KLHL29: variants seen among roughly 807,000 people sequenced by gnomAD.
The protein encoded by KLHL29 is kelch like family member 29.
KLHL29 carries 21 observed loss-of-function variants against 80.4 expected under a neutral mutation model. The ratio of observed to expected loss-of-function variants is 0.26; its 90% CI spans 0.19 to 0.38. The LOEUF is 0.38. KLHL29 is among the 10% of genes least tolerant of loss of function. The probability of loss-of-function intolerance (pLI) is 1.00; values close to 1 mark genes in which losing one functional copy is unlikely to be tolerated. For synonymous variants in KLHL29, 511 were observed against 526.8 expected (o/e 0.97, Z 0.41); for missense variants, 867 against 1,223.9 (o/e 0.71, Z 4.35).
At chr2:23,389,446 T>G (rs1288784794) in intron 1 of KLHL29, among the ~76,000 whole-genome samples, 1 of 152,196 alleles carries the variant, frequency 6.6e-6, no homozygotes, top group Non-Finnish European at 1.5e-5. Flanking sequence ...ACCAACTTTG[T>G]GATTCTGTAA....
At chr2:23,574,779 A>G (rs1667801696) in intron 3 of KLHL29, among the ~76,000 whole-genome samples, 1 of 152,226 alleles carries the variant, frequency 6.6e-6, no homozygotes, top group Admixed American at 6.5e-5. Flanking sequence ...ATGGGAAGAG[A>G]GAAGCAATGT....
intron 1 of KLHL29, among the ~76,000 whole-genome samples, chr2:23,440,225 G>A (rs1663474222): frequency 6.6e-6 from 1 of 152,102 alleles, no homozygotes; most frequent in African/African-American, 2.4e-5. Flanking sequence ...CAAGCAATGG[G>A]GAAAGGATTC....
chr2:23,419,475 G>T (rs527518979), intron 1 of KLHL29, among the ~76,000 whole-genome samples: 2 of 152,154 alleles, frequency 1.3e-5, no homozygotes. Context: ...CTGCACTCAC[G>T]TACACATGTG....
intron 3 of KLHL29, among the ~76,000 whole-genome samples, chr2:23,569,253 G>A (rs1412885592): frequency 6.6e-6 from 1 of 152,234 alleles, no homozygotes; most frequent in Non-Finnish European, 1.5e-5. Context: ...CTGATGGGGA[G>A]ACTTCCTAAT....
intron 1 of KLHL29, among the ~76,000 whole-genome samples, chr2:23,468,669 C>A (rs1664416393): frequency 6.6e-6 from 1 of 152,172 alleles, no homozygotes; most frequent in African/African-American, 2.4e-5. Flanking sequence ...CCCCCCGACA[C>A]CTATAGCTTT....
intron 2 of KLHL29, among the ~76,000 whole-genome samples, chr2:23,493,437 C>T (rs1225664032): frequency 3.3e-5 from 5 of 152,164 alleles, no homozygotes; most frequent in African/African-American, 9.7e-5. Context: ...TCAGGGAGCT[C>T]ATGAATAGAA....
intron 1 of KLHL29, among the ~76,000 whole-genome samples, chr2:23,461,252 G>A (rs557899978): frequency 1.6e-4 from 24 of 152,288 alleles, no homozygotes; most frequent in African/African-American, 5.1e-4. Context: ...TTGACATTAC[G>A]TGAGTAGTAA....
chr2:23,410,200 T>G (rs922213616), intron 1 of KLHL29, among the ~76,000 whole-genome samples: 2 of 152,184 alleles, frequency 1.3e-5, no homozygotes, highest in African/African-American at 4.8e-5. Context: ...AAGACAGCCC[T>G]GGCTACCATG....
At chr2:23,685,238 C>T (rs969408253) in intron 6 of KLHL29, 1 of 39,544 alleles carries the variant, frequency 2.5e-5, no homozygotes, top group African/African-American at 1.1e-4. Context: ...GGTGCATGAG[C>T]ATCTTTTTTT....
At chr2:23,658,784 C>T (rs942714539) in intron 5 of KLHL29, among the ~76,000 whole-genome samples, 6 of 152,212 alleles carry the variant, frequency 3.9e-5, no homozygotes, top group African/African-American at 1.4e-4. Context: ...CCTCTGGGAG[C>T]TGAAGCCACA....
intron 4 of KLHL29, among the ~76,000 whole-genome samples, chr2:23,641,328 GC>G: frequency 6.6e-6 from 1 of 152,260 alleles, no homozygotes; most frequent in South Asian, 2.1e-4. Flanking sequence ...GGCTGGCCGT[GC>G]CCAGGTTGCT....
At chr2:23,552,761 C>CTTTTCTTTTTTTTTT (rs71400590) in intron 2 of KLHL29, among the ~76,000 whole-genome samples, 4 of 95,544 alleles carry the variant, frequency 4.2e-5, no homozygotes, top group African/African-American at 1.4e-4. Context: ...GGTTTCTTTT[C>CTTTTCTTTTTTTTTT]TTTTTTTTTT....
chr2:23,660,871 CAAA>C (rs796192593), intron 5 of KLHL29, among the ~76,000 whole-genome samples: 1 of 150,706 alleles, frequency 6.6e-6, no homozygotes, highest in Middle Eastern at 3.2e-3. Context: ...ACTAAAAATA[CAAA>C]AAAAAAGTCA....
chr2:23,408,080 T>C (rs1237794737), intron 1 of KLHL29, among the ~76,000 whole-genome samples: 1 of 151,780 alleles, frequency 6.6e-6, no homozygotes, highest in Non-Finnish European at 1.5e-5. Flanking sequence ...TTCCAGGCTG[T>C]TTATTCTGTT....
chr2:23,518,867 G>C (rs1666016933), intron 2 of KLHL29, among the ~76,000 whole-genome samples: 1 of 152,150 alleles, frequency 6.6e-6, no homozygotes, highest in South Asian at 2.1e-4. Context: ...CAAGAGAGTG[G>C]CTCCAGATGT....
chr2:23,620,305 G>A (rs559017941), intron 3 of KLHL29, among the ~76,000 whole-genome samples: 1 of 152,318 alleles, frequency 6.6e-6, no homozygotes, highest in Admixed American at 6.5e-5. Flanking sequence ...AGGTGTTAGG[G>A]AGGAGAGTGA....
intron 2 of KLHL29, among the ~76,000 whole-genome samples, chr2:23,477,952 T>A (rs1344436972): frequency 6.6e-6 from 1 of 152,202 alleles, no homozygotes; most frequent in Non-Finnish European, 1.5e-5. Context: ...GGGTGGCACA[T>A]GGCTCTTGTT....
intron 1 of KLHL29, among the ~76,000 whole-genome samples, chr2:23,460,284 C>T (rs879015443): frequency 3.9e-5 from 6 of 152,084 alleles, no homozygotes; most frequent in Admixed American, 3.9e-4. Context: ...TAAGTTATAG[C>T]CTGTGTGTTC....
At chr2:23,513,269 A>G (rs1665827656) in intron 2 of KLHL29, among the ~76,000 whole-genome samples, 1 of 152,206 alleles carries the variant, frequency 6.6e-6, no homozygotes, top group Non-Finnish European at 1.5e-5. Context: ...TTCTTAAACA[A>G]TCTTATAGAA....
Sources: gnomAD v4.1 joint callset for allele counts (sites outside exome capture counted in the v4.1 genomes callset) on GRCh38, gnomAD v4.1.1 for gene constraint, MANE v1.5 for transcripts, NCBI Gene and HGNC (gene_info 2026-07-23, HGNC 2026-07-21) for gene names.